CDIN1: variants seen among roughly 807,000 people sequenced by gnomAD.
CDIN1 encodes CDAN1 interacting nuclease 1.
CDIN1 carries 33 observed loss-of-function variants against 45.3 expected under a neutral mutation model. The ratio of observed to expected loss-of-function variants is 0.73; its 90% CI spans 0.55 to 0.97. The LOEUF is 0.97. Among genes scored for constraint, CDIN1 ranks in the 50% least tolerant of loss-of-function variants. The pLI is 0.00. For missense variants in CDIN1, 303 were observed against 339.4 expected (o/e 0.89, Z 0.84); for synonymous variants, 118 against 124.4 (o/e 0.95, Z 0.34).
intron 10 of CDIN1, among the ~76,000 whole-genome samples, chr15:36,729,449 G>C (rs2043761490): frequency 6.6e-6 from 1 of 152,108 alleles, no homozygotes; most frequent in Non-Finnish European, 1.5e-5. Context: ...AAACATCTGT[G>C]TTCTTTCTAG....
At chr15:36,691,152 T>C in intron 5 of CDIN1, 1 of 518,730 alleles carries the variant, frequency 1.9e-6, no homozygotes, top group South Asian at 1.4e-5. Flanking sequence ...TAGGATTTTA[T>C]GGCAGTTGAT....
intron 10 of CDIN1, among the ~76,000 whole-genome samples, chr15:36,733,334 A>AC (rs1366635080): frequency 6.6e-6 from 1 of 152,048 alleles, no homozygotes; most frequent in African/African-American, 2.4e-5. Context: ...TAAAACCTGC[A>AC]TTTACTTGGC....
intron 5 of CDIN1, among the ~76,000 whole-genome samples, chr15:36,664,703 C>T (rs1322484377): frequency 2.0e-5 from 3 of 152,078 alleles, no homozygotes; most frequent in African/African-American, 4.8e-5. Flanking sequence ...CCCACCACCA[C>T]GCTTGGCTAA....
intron 1 of CDIN1, among the ~76,000 whole-genome samples, chr15:36,631,697 A>G (rs187156018): frequency 1.3e-5 from 2 of 152,350 alleles, no homozygotes; most frequent in East Asian, 1.9e-4. Context: ...GCTATTATGT[A>G]TAAAGTTGCT....
At chr15:36,620,669 T>A (rs1414845060) in intron 1 of CDIN1, among the ~76,000 whole-genome samples, 1 of 152,192 alleles carries the variant, frequency 6.6e-6, no homozygotes, top group East Asian at 1.9e-4. Flanking sequence ...GAATTTTAGG[T>A]CCCAAGATGG....
chr15:36,795,651 G>A (rs1201330293), intron 10 of CDIN1, among the ~76,000 whole-genome samples: 1 of 151,854 alleles, frequency 6.6e-6, no homozygotes, highest in Admixed American at 6.6e-5. Flanking sequence ...TTAAAGTAGA[G>A]TTTCTCCTGG....
At chr15:36,609,905 A>G (rs1230519445) in intron 1 of CDIN1, among the ~76,000 whole-genome samples, 1 of 152,228 alleles carries the variant, frequency 6.6e-6, no homozygotes, top group Admixed American at 6.5e-5. Flanking sequence ...CTGGTGTTTT[A>G]GTAAAGCTGT....
intron 2 of CDIN1, 94 bp from the exon 3 acceptor site, chr15:36,645,129 A>G: frequency 1.0e-6 from 1 of 962,960 alleles, no homozygotes; most frequent in Non-Finnish European, 1.6e-6. Flanking sequence ...CCTATGTGCT[A>G]GTCACTGGGC....
At chr15:36,711,332 C>CT (rs1462851907) in intron 10 of CDIN1, among the ~76,000 whole-genome samples, 1 of 152,098 alleles carries the variant, frequency 6.6e-6, no homozygotes, top group African/African-American at 2.4e-5. Flanking sequence ...CATATCTTTT[C>CT]TAAGGAAAAA....
intron 1 of CDIN1, among the ~76,000 whole-genome samples, chr15:36,599,409 C>T (rs1189433113): frequency 6.6e-6 from 1 of 152,048 alleles, no homozygotes; most frequent in Non-Finnish European, 1.5e-5. Flanking sequence ...TATCATGTAG[C>T]TGTAAGGGTA....
intron 3 of CDIN1, among the ~76,000 whole-genome samples, chr15:36,650,934 G>A (rs563136071): frequency 4.5e-4 from 68 of 152,068 alleles, no homozygotes; most frequent in Non-Finnish European, 9.0e-4. Context: ...GTGGTGGCAC[G>A]CTCCTGTAGT....
At chr15:36,738,936 G>T (rs1336547777) in intron 10 of CDIN1, among the ~76,000 whole-genome samples, 1 of 152,184 alleles carries the variant, frequency 6.6e-6, no homozygotes, top group African/African-American at 2.4e-5. Flanking sequence ...TAGGCATAAT[G>T]TATTTTTAAA....
chr15:36,800,210 G>A (rs1357856892), intron 10 of CDIN1, among the ~76,000 whole-genome samples: 1 of 152,052 alleles, frequency 6.6e-6, no homozygotes, highest in Non-Finnish European at 1.5e-5. Context: ...AGATAAAGTT[G>A]CACTTTTCAT....
Position 36,757,707 on chromosome 15 carries a change from C to A in CDIN1, c.716+47746C>A, listed in dbSNP as rs147046581. Among the ~76,000 whole-genome samples, 438 of 152,238 alleles carry A rather than the reference C, an allele frequency of 2.9e-3. 1 individual carries two copies. The highest frequency in any genetic ancestry group is 0.01 in the African/African-American group (416 of 41,548). ...TCTGCTCCTGACATCTAGACATCCA[C>A]CTCATCTTGGCTCGGTGACCCAGGG... On this transcript the variant is annotated intron_variant, in intron 10 of 10. Transcript: ENST00000566621.
chr15:36,736,091 A>G (rs1389126693), intron 10 of CDIN1, among the ~76,000 whole-genome samples: 1 of 152,212 alleles, frequency 6.6e-6, no homozygotes, highest in African/African-American at 2.4e-5. Flanking sequence ...AACAGTTTCT[A>G]TAACTGTCCC....
intron 8 of CDIN1, among the ~76,000 whole-genome samples, chr15:36,698,152 A>G (rs1230310216): frequency 6.6e-6 from 1 of 152,214 alleles, no homozygotes; most frequent in Admixed American, 6.5e-5. Context: ...ATAGAACAAC[A>G]TTGGATTACA....
chr15:36,632,127 G>T (rs1285391484), intron 1 of CDIN1, among the ~76,000 whole-genome samples: 3 of 152,146 alleles, frequency 2.0e-5, no homozygotes, highest in Non-Finnish European at 4.4e-5. Flanking sequence ...GAGCCACCAT[G>T]CCTAACCATA....
chr15:36,746,527 A>G (rs2044439603), intron 10 of CDIN1, among the ~76,000 whole-genome samples: 1 of 152,138 alleles, frequency 6.6e-6, no homozygotes, highest in African/African-American at 2.4e-5. Context: ...TATTTGCACC[A>G]GGAATTGAAC....
At chr15:36,664,815 G>T (rs1010557659) in intron 5 of CDIN1, among the ~76,000 whole-genome samples, 1 of 152,126 alleles carries the variant, frequency 6.6e-6, no homozygotes. Flanking sequence ...CAAAGTGCTG[G>T]GATTACAGGC....
Sources: gnomAD v4.1 joint callset for allele counts (sites outside exome capture counted in the v4.1 genomes callset) on GRCh38, gnomAD v4.1.1 for gene constraint, MANE v1.5 for transcripts, NCBI Gene and HGNC (gene_info 2026-07-23, HGNC 2026-07-21) for gene names.